Variants in BMERB1 observed in about 807,000 individuals in gnomAD.
BMERB1 encodes the protein bMERB domain-containing protein 1.
BMERB1 carries 12 observed loss-of-function variants against 23.6 expected under a neutral mutation model. The observed-to-expected ratio is 0.51, with a 90% CI of 0.33 to 0.82. The LOEUF is 0.82. Among genes scored for constraint, BMERB1 ranks in the 40% least tolerant of loss-of-function variants. BMERB1 has a pLI of 0.03. For synonymous variants in BMERB1, 122 were observed against 96.6 expected (o/e 1.26, Z -1.54); for missense variants, 247 against 255.4 (o/e 0.97, Z 0.22).
intron 1 of BMERB1, among the ~76,000 whole-genome samples, chr16:15,437,517 T>A (rs1331346387): frequency 6.6e-6 from 1 of 152,216 alleles, no homozygotes. Context: ...GGTCAATTCT[T>A]CAATAATGCC....
intron 1 of BMERB1, among the ~76,000 whole-genome samples, chr16:15,506,098 C>T (rs1403690742): frequency 6.6e-6 from 1 of 151,974 alleles, no homozygotes; most frequent in African/African-American, 2.4e-5. Context: ...GCCCCAATTG[C>T]CCCTTAGAAC....
At chr16:15,486,447 C>G (rs1392605697) in intron 1 of BMERB1, among the ~76,000 whole-genome samples, 1 of 152,100 alleles carries the variant, frequency 6.6e-6, no homozygotes, top group Non-Finnish European at 1.5e-5. Flanking sequence ...CTCCATGTCT[C>G]CTCTATTCTT....
chr16:15,567,127 T>A (rs1458366394), intron 2 of BMERB1, among the ~76,000 whole-genome samples: 1 of 151,716 alleles, frequency 6.6e-6, no homozygotes, highest in Non-Finnish European at 1.5e-5. Context: ...GGAGTTCAAG[T>A]CTGCAGTAAG....
chr16:15,547,061 G>A (rs1278870814), intron 2 of BMERB1, among the ~76,000 whole-genome samples: 1 of 149,640 alleles, frequency 6.7e-6, no homozygotes, highest in Middle Eastern at 3.3e-3. Context: ...CGCCCAGGCT[G>A]GAGTGCAGTG....
chr16:15,553,300 G>A (rs1246365361), intron 2 of BMERB1, among the ~76,000 whole-genome samples: 1 of 152,204 alleles, frequency 6.6e-6, no homozygotes, highest in Non-Finnish European at 1.5e-5. Flanking sequence ...GAGCCACCGT[G>A]CCTGGCCCAA....
intron 1 of BMERB1, among the ~76,000 whole-genome samples, chr16:15,486,194 T>TC (rs2051366808): frequency 8.3e-6 from 1 of 119,892 alleles, no homozygotes; most frequent in Non-Finnish European, 1.7e-5. Context: ...AGAGCAAGAC[T>TC]CCATCTCAAA....
At chr16:15,494,390 C>T (rs1285994414) in intron 1 of BMERB1, among the ~76,000 whole-genome samples, 6 of 151,960 alleles carry the variant, frequency 3.9e-5, no homozygotes, top group Admixed American at 3.3e-4. Context: ...TTTGGTGATT[C>T]ATTGAAGGTC....
chr16:15,459,536 G>A (rs2051118005), intron 1 of BMERB1, among the ~76,000 whole-genome samples: 1 of 152,096 alleles, frequency 6.6e-6, no homozygotes, highest in African/African-American at 2.4e-5. Flanking sequence ...GACAAAGAGG[G>A]ACATTTTATA....
At chr16:15,572,664 C>T (rs1303764159) in intron 3 of BMERB1, among the ~76,000 whole-genome samples, 1 of 152,164 alleles carries the variant, frequency 6.6e-6, no homozygotes, top group Admixed American at 6.5e-5. Flanking sequence ...CCACTAGAAA[C>T]CCCAATGCAA....
intron 4 of BMERB1, among the ~76,000 whole-genome samples, chr16:15,582,368 T>C (rs906364533): frequency 3.9e-5 from 6 of 152,188 alleles, no homozygotes; most frequent in Non-Finnish European, 7.3e-5. Context: ...ACCAATGCAC[T>C]CTAGCCTGGG....
intron 1 of BMERB1, among the ~76,000 whole-genome samples, chr16:15,487,428 C>T (rs1463663262): frequency 6.6e-6 from 1 of 152,072 alleles, no homozygotes; most frequent in Non-Finnish European, 1.5e-5. Flanking sequence ...GTCTGTGAAC[C>T]TTTGCTTAAA....
chr16:15,576,610 A>C (rs369245663), intron 3 of BMERB1, among the ~76,000 whole-genome samples: 2 of 152,086 alleles, frequency 1.3e-5, no homozygotes, highest in East Asian at 3.9e-4. Context: ...TAAGCAACAG[A>C]AATGTATTCT....
chr16:15,523,984 C>A (rs1434288043), intron 2 of BMERB1, among the ~76,000 whole-genome samples: 1 of 152,060 alleles, frequency 6.6e-6, no homozygotes, highest in Non-Finnish European at 1.5e-5. Flanking sequence ...TACCCTGGGG[C>A]CTTGATTTTA....
intron 1 of BMERB1, among the ~76,000 whole-genome samples, chr16:15,448,468 AC>A (rs1229826796): frequency 2.0e-5 from 3 of 151,820 alleles, no homozygotes; most frequent in Non-Finnish European, 4.4e-5. Context: ...GCAAGGAAAA[AC>A]CCTGTCATTA....
chr16:15,529,354 T>C (rs1047103892), intron 2 of BMERB1, among the ~76,000 whole-genome samples: 5 of 152,054 alleles, frequency 3.3e-5, no homozygotes, highest in Admixed American at 2.0e-4. Context: ...CCACCTAGGC[T>C]AAGAAAGGGA....
intron 1 of BMERB1, among the ~76,000 whole-genome samples, chr16:15,498,697 AG>A (rs2051498681): frequency 6.6e-6 from 1 of 152,076 alleles, no homozygotes; most frequent in Non-Finnish European, 1.5e-5. Context: ...AGAAAGAAAA[AG>A]GAAGGAAAAG....
chr16:15,576,037 ATTT>A (rs58602187), intron 3 of BMERB1, among the ~76,000 whole-genome samples: 11 of 131,936 alleles, frequency 8.3e-5, no homozygotes, highest in Admixed American at 7.5e-5. Context: ...AGCATTAGTA[ATTT>A]TTTTTTTTTT....
At chr16:15,514,950 C>T (rs956809201) in intron 1 of BMERB1, among the ~76,000 whole-genome samples, 6 of 152,024 alleles carry the variant, frequency 3.9e-5, no homozygotes, top group African/African-American at 9.7e-5. Context: ...GGCGAGGTGT[C>T]GGGCACCTGT....
intron 5 of BMERB1, among the ~76,000 whole-genome samples, chr16:15,584,900 A>T (rs2031104303): frequency 6.6e-6 from 1 of 152,156 alleles, no homozygotes; most frequent in Non-Finnish European, 1.5e-5. Context: ...CACCTCTTAG[A>T]TCCATTACCA....
Sources: allele counts gnomAD v4.1 joint callset (sites outside exome capture counted in the v4.1 genomes callset), GRCh38; gene constraint gnomAD v4.1.1; transcripts MANE v1.5; gene names NCBI Gene and HGNC (gene_info 2026-07-23, HGNC 2026-07-21).